Variants in NUP210 observed in about 807,000 individuals in gnomAD.
NUP210 encodes the protein nucleoporin 210.
A neutral mutation model predicts 196.0 loss-of-function variants in NUP210; 151 were observed. That is an observed-to-expected ratio of 0.77 (90% confidence interval 0.67 to 0.88). The LOEUF is 0.88. Ranked by LOEUF, NUP210 falls within the 40% of genes least tolerant of loss-of-function variation. The pLI is 0.00. For missense variants in NUP210, 2,314 were observed against 2,493.7 expected (o/e 0.93, Z 1.53); for synonymous variants, 1,070 against 1,052.7 (o/e 1.02, Z -0.32).
chr3:13,419,589 G>T (rs1272261436), intron 1 of NUP210, among the ~76,000 whole-genome samples: 7 of 152,200 alleles, frequency 4.6e-5, no homozygotes, highest in Admixed American at 2.0e-4. Context: ...TCCTCCCCGC[G>T]ACGCTAGGCG....
At chr3:13,354,348 C>A (rs952533708) in intron 16 of NUP210, 7 of 537,178 alleles carry the variant, frequency 1.3e-5, no homozygotes, top group South Asian at 2.2e-5. Flanking sequence ...CACTAGGGGG[C>A]CTTCAGCAAC....
At chr3:13,399,446 G>T (rs570139986) in intron 2 of NUP210, among the ~76,000 whole-genome samples, 1 of 152,256 alleles carries the variant, frequency 6.6e-6, no homozygotes, top group African/African-American at 2.4e-5. Flanking sequence ...AACTGTCATA[G>T]TAATGAGTTG....
At chr3:13,404,274 T>C (rs573540421) in intron 1 of NUP210, among the ~76,000 whole-genome samples, 37 of 152,062 alleles carry the variant, frequency 2.4e-4, no homozygotes, top group Non-Finnish European at 5.3e-4. Context: ...CAACAGAAAG[T>C]GTCTGCCAGA....
At chr3:13,371,715 G>A in intron 13 of NUP210, 119 bp downstream of exon 13, 1 of 890,828 alleles carries the variant, frequency 1.1e-6, no homozygotes, top group Non-Finnish European at 1.8e-6. Context: ...CATTCCTTAT[G>A]TTGCAGCCCC....
At chr3:13,329,549 A>G (rs1034994702) in intron 30 of NUP210, among the ~76,000 whole-genome samples, 4 of 152,236 alleles carry the variant, frequency 2.6e-5, no homozygotes, top group Admixed American at 6.5e-5. Context: ...TGCTCAGTAC[A>G]TATTTGTTGA....
At chr3:13,376,470 G>T in intron 9 of NUP210, 39 bp from the exon 10 acceptor site, 1 of 1,610,552 alleles carries the variant, frequency 6.2e-7, no homozygotes, top group African/African-American at 1.3e-5. Context: ...GTGCTTCTGG[G>T]GTGACTCCAG....
Position 13,354,050 on chromosome 3 carries a change from C to T in NUP210, c.2386G>A (p.Gly796Ser). 3.1e-6 allele frequency: 5 copies of T among 1,605,538 alleles called. No homozygotes were observed. Among genetic ancestry groups the T allele is most frequent in the African/African-American group, 1.3e-5 (1 of 74,864 alleles). ...GAGCTGAAGTTGTCGAACCGGCGGC[C>T]CTCCTGGTCGTAAGCAGCCAGGTCC... ...RLDLAAYDQE[G>S]RRFDNFSSLS... The change falls in exon 17 of 40, where the codon GGC becomes AGC. Residue 796 changes from glycine to serine, a missense_variant. Transcript: ENST00000254508.
Position 13,317,642 on chromosome 3 carries a change from G to T in NUP210, c.*39C>A. On this transcript the variant is annotated 3_prime_UTR_variant, in exon 40 of 40. Coordinates refer to ENST00000254508, the MANE Select transcript of NUP210 (RefSeq NM_024923.4). ...ATGTTCCATCTTGGGGGTGCACGAG[G>T]CTCGGCTGAGACCCATCCTCCGGGA... The T allele has an allele frequency of 7.0e-7, 1 of 1,434,986 alleles. No homozygotes were observed. The highest frequency in any genetic ancestry group is 9.7e-7 in the Non-Finnish European group (1 of 1,035,736). 88.9% of individuals were successfully genotyped at this position (1,434,986 alleles called of 1,614,324 possible). A position where few individuals can be genotyped will look rare whatever the true frequency, so the allele number is the denominator to read the frequency against.
At chr3:13,351,130 G>A (rs1017111845) in intron 20 of NUP210, among the ~76,000 whole-genome samples, 8 of 152,132 alleles carry the variant, frequency 5.3e-5, no homozygotes, top group Non-Finnish European at 1.2e-4. Flanking sequence ...TTAGCAACAC[G>A]CAAAAACATA....
Position 13,353,539 on chromosome 3 carries a change from G to T in NUP210, c.2628+15C>A. Reference sequence around the variant, plus strand: ...GCTACCCATAGCCCACCCACCACTGGGCCCTGGGAGATACCGGCTGCTTTG... The same window carrying T: ...GCTACCCATAGCCCACCCACCACTGTGCCCTGGGAGATACCGGCTGCTTTG... On this transcript the variant is annotated intron_variant, in intron 18 of 39. Coordinates refer to ENST00000254508, the MANE Select transcript of NUP210 (RefSeq NM_024923.4). The T allele has an allele frequency of 1.2e-6, 2 of 1,607,000 alleles. No homozygotes were observed.
intron 13 of NUP210, among the ~76,000 whole-genome samples, chr3:13,366,709 G>A (rs1576388387): frequency 6.6e-6 from 1 of 150,900 alleles, no homozygotes; most frequent in South Asian, 2.1e-4. Flanking sequence ...AGTAGAGATG[G>A]GGTTTCACCA....
intron 14 of NUP210, among the ~76,000 whole-genome samples, chr3:13,363,050 G>A (rs1423576984): frequency 1.3e-5 from 2 of 152,210 alleles, no homozygotes; most frequent in Non-Finnish European, 2.9e-5. Context: ...CTACAAGGCT[G>A]TTTCCCCATC....
Position 13,353,680 on chromosome 3 carries a change from A to T in NUP210, c.2522-20T>A, listed in dbSNP as rs553317900. On this transcript the variant is annotated intron_variant, in intron 17 of 39. Transcript: ENST00000254508. ...GCAAACCTGAGACCAGGAAGAAGGAAGCCACCGTTGGATGTCTGCCCATCA... is the reference window on the plus strand; with the variant it reads ...GCAAACCTGAGACCAGGAAGAAGGATGCCACCGTTGGATGTCTGCCCATCA... The T allele has an allele frequency of 9.3e-6, 15 of 1,606,476 alleles. No individual in the cohort carries two copies. In the African/African-American group the frequency reaches 1.9e-4, roughly 20 times the overall value.
chr3:13,395,731 T>C (rs1353405662), intron 3 of NUP210, among the ~76,000 whole-genome samples: 4 of 152,218 alleles, frequency 2.6e-5, no homozygotes, highest in Admixed American at 2.6e-4. Context: ...TTGGCGGTTA[T>C]GAATAATGCT....
Position 13,340,379 on chromosome 3 carries a change from A to C in NUP210, c.3229-81T>G. ...GCATAACTCACACACTACATGTTTC[A>C]TGAGAGGAAAACCTGGGACATGGAC... On this transcript the variant is annotated intron_variant, in intron 23 of 39. Coordinates refer to ENST00000254508, the MANE Select transcript of NUP210 (RefSeq NM_024923.4). This position sits in a 1 kb window ranked among gnomAD's most constrained non-coding sequence, Gnocchi z 4.0. 7.9e-7 allele frequency: 1 copy of C among 1,272,854 alleles called. No homozygotes were observed. The highest frequency in any genetic ancestry group is 1.1e-6 in the Non-Finnish European group (1 of 879,968). The allele number at this position is 1,272,854 out of a possible 1,614,324, so 78.8% of individuals were successfully genotyped here.
chr3:13,393,557 A>G (rs952497939), intron 3 of NUP210, among the ~76,000 whole-genome samples: 3 of 152,228 alleles, frequency 2.0e-5, no homozygotes, highest in Non-Finnish European at 2.9e-5. Flanking sequence ...TCGTTCATGC[A>G]TGGGCCTGCC....
In NUP210 at chr3:13,323,008, C is replaced by T. The variant is rs756537645; in HGVS notation, c.4768+301G>A. ...CTAATTCATTAGTTTCTGGGATTCA[C>T]GGTGGGAAATTGTGGCTTTCTTTGC... On this transcript the variant is annotated intron_variant, in intron 34 of 39. Transcript: ENST00000254508. This position sits in a 1 kb window ranked among gnomAD's most constrained non-coding sequence, Gnocchi z 4.3. Among the ~76,000 whole-genome samples the T allele has an allele frequency of 3.9e-5, 6 of 152,156 alleles. No individual in the cohort carries two copies. The highest frequency in any genetic ancestry group is 2.1e-4 in the South Asian group (1 of 4,818).
At chr3:13,414,911 C>T (rs1258630049) in intron 1 of NUP210, among the ~76,000 whole-genome samples, 1 of 152,208 alleles carries the variant, frequency 6.6e-6, no homozygotes, top group Non-Finnish European at 1.5e-5. Context: ...ACTGTCACAT[C>T]CCAGGACCTC....
At chr3:13,331,835 T>C (rs1697007990) in intron 29 of NUP210, among the ~76,000 whole-genome samples, 1 of 152,126 alleles carries the variant, frequency 6.6e-6, no homozygotes, top group Non-Finnish European at 1.5e-5. Context: ...TTAAACAGCT[T>C]TTCCCAAGCG....
Sources: allele counts gnomAD v4.1 joint callset (sites outside exome capture counted in the v4.1 genomes callset), GRCh38; gene constraint gnomAD v4.1.1; non-coding constraint Gnocchi (gnomAD v3.1); transcripts MANE v1.5; gene names NCBI Gene and HGNC (gene_info 2026-07-23, HGNC 2026-07-21).